FBXL7: variants seen among roughly 807,000 people sequenced by gnomAD.
FBXL7 encodes F-box/LRR-repeat protein 7.
A neutral mutation model predicts 38.3 loss-of-function variants in FBXL7; 12 were observed. That is an observed-to-expected ratio of 0.31 (90% CI 0.20 to 0.51). The LOEUF (loss-of-function observed/expected upper bound fraction) is 0.51, where lower values mean the gene tolerates loss of function less well. Ranked by LOEUF, FBXL7 falls within the 20% of genes least tolerant of loss-of-function variation. The pLI, the probability that FBXL7 is intolerant of heterozygous loss-of-function variation, is 0.98. For synonymous variants in FBXL7, 297 were observed against 300.9 expected (o/e 0.99, Z 0.13); for missense variants, 567 against 676.4 (o/e 0.84, Z 1.79).
At chr5:15,840,155 T>C (rs1738704100) in intron 2 of FBXL7, among the ~76,000 whole-genome samples, 1 of 152,186 alleles carries the variant, frequency 6.6e-6, no homozygotes, top group African/African-American at 2.4e-5. Flanking sequence ...CAGTCTTTCC[T>C]CGGAGAAAGT....
chr5:15,784,001 C>G (rs1737069893), intron 2 of FBXL7, among the ~76,000 whole-genome samples: 1 of 152,134 alleles, frequency 6.6e-6, no homozygotes, highest in African/African-American at 2.4e-5. Flanking sequence ...GCACTCAGGT[C>G]TAGCATGGTG....
chr5:15,613,330 G>C (rs1176221286), intron 1 of FBXL7, among the ~76,000 whole-genome samples: 2 of 152,132 alleles, frequency 1.3e-5, no homozygotes, highest in African/African-American at 4.8e-5. Flanking sequence ...TCAGAGGCCA[G>C]GTGGACATAC....
chr5:15,714,718 G>A lies in FBXL7; in HGVS notation c.127+98646G>A, dbSNP rs113118166. Among the ~76,000 whole-genome samples, 264 of 151,996 alleles carry A rather than the reference G, an allele frequency of 1.7e-3. 1 individual carries two copies. Among genetic ancestry groups the A allele is most frequent in the African/African-American group, 6.2e-3 (258 of 41,474 alleles). On this transcript the variant is annotated intron_variant, in intron 2 of 3. Transcript: ENST00000504595. Reference sequence around the variant, plus strand: ...CAAAAAATTAGCTGGGAATGGTGGCGGGCGCCTGTAGTCCCAGCTACTCGG... The same window carrying A: ...CAAAAAATTAGCTGGGAATGGTGGCAGGCGCCTGTAGTCCCAGCTACTCGG...
chr5:15,846,311 A>C (rs938076493), intron 2 of FBXL7, among the ~76,000 whole-genome samples: 4 of 152,238 alleles, frequency 2.6e-5, no homozygotes, highest in Non-Finnish European at 1.5e-5. Context: ...TGGAGTTTAC[A>C]TTGTTTTTAT....
intron 1 of FBXL7, among the ~76,000 whole-genome samples, chr5:15,505,781 C>T (rs888220409): frequency 1.3e-5 from 2 of 152,122 alleles, no homozygotes; most frequent in African/African-American, 2.4e-5. Context: ...ATCCAGGTAG[C>T]ATGCTGGCTG....
intron 2 of FBXL7, among the ~76,000 whole-genome samples, chr5:15,877,450 A>T (rs1477313077): frequency 6.6e-6 from 1 of 152,204 alleles, no homozygotes; most frequent in Non-Finnish European, 1.5e-5. Context: ...GATTCATTTA[A>T]TCGTATTTCA....
intron 1 of FBXL7, among the ~76,000 whole-genome samples, chr5:15,604,999 C>T (rs1739957065): frequency 6.6e-6 from 1 of 152,164 alleles, no homozygotes; most frequent in Non-Finnish European, 1.5e-5. Flanking sequence ...TCCTGCTTTG[C>T]TGTTCTGAAT....
intron 1 of FBXL7, among the ~76,000 whole-genome samples, chr5:15,526,963 C>T (rs1294892828): frequency 6.6e-6 from 1 of 152,118 alleles, no homozygotes; most frequent in Non-Finnish European, 1.5e-5. Context: ...GGGTTTATTT[C>T]AAAATGAATC....
chr5:15,629,353 C>G (rs1740926357), intron 2 of FBXL7, among the ~76,000 whole-genome samples: 2 of 152,074 alleles, frequency 1.3e-5, no homozygotes, highest in African/African-American at 4.8e-5. Flanking sequence ...TCACTTTTAT[C>G]AAAGTTAGAG....
At chr5:15,652,983 G>A (rs548179002) in intron 2 of FBXL7, among the ~76,000 whole-genome samples, 18 of 152,222 alleles carry the variant, frequency 1.2e-4, no homozygotes, top group African/African-American at 4.1e-4. Context: ...AGTATCTCAT[G>A]TGCCCTATAA....
At chr5:15,627,630 A>AACTGACAAAG (rs1740862793) in intron 2 of FBXL7, among the ~76,000 whole-genome samples, 3 of 152,196 alleles carry the variant, frequency 2.0e-5, no homozygotes, top group Admixed American at 1.3e-4. Context: ...CAAATAGGCC[A>AACTGACAAAG]TTCTGCATCC....
chr5:15,870,027 T>G lies in FBXL7; in HGVS notation c.128-57863T>G, dbSNP rs577165777. Reference sequence around the variant, plus strand: ...CAGGAGGCTGAGGTGGAAGGATCACTTAAACCCAGGAGCTTAAGGATATAG... The same window carrying G: ...CAGGAGGCTGAGGTGGAAGGATCACGTAAACCCAGGAGCTTAAGGATATAG... On this transcript the variant is annotated intron_variant, in intron 2 of 3. Coordinates refer to ENST00000504595, the MANE Select transcript of FBXL7 (RefSeq NM_012304.5). Among the ~76,000 whole-genome samples, 52 of 152,222 alleles carry G rather than the reference T, an allele frequency of 3.4e-4. No individual in the cohort carries two copies. In the Middle Eastern group the frequency reaches 0.01, roughly 30 times the overall value.
intron 2 of FBXL7, among the ~76,000 whole-genome samples, chr5:15,891,483 C>T (rs556652936): frequency 6.6e-6 from 1 of 152,236 alleles, no homozygotes; most frequent in African/African-American, 2.4e-5. Context: ...TTTATGTAAA[C>T]TAGACTCTGT....
intron 2 of FBXL7, among the ~76,000 whole-genome samples, chr5:15,835,158 T>C (rs1738560870): frequency 6.6e-6 from 1 of 152,198 alleles, no homozygotes; most frequent in Non-Finnish European, 1.5e-5. Flanking sequence ...TTAGTAAATA[T>C]TCTGATGAAT....
chr5:15,581,238 A>G (rs1739129467), intron 1 of FBXL7, among the ~76,000 whole-genome samples: 1 of 152,174 alleles, frequency 6.6e-6, no homozygotes, highest in Non-Finnish European at 1.5e-5. Context: ...TTTATTGGCT[A>G]TTCTTTATTA....
chr5:15,859,529 C>G (rs1739382302), intron 2 of FBXL7, among the ~76,000 whole-genome samples: 1 of 152,160 alleles, frequency 6.6e-6, no homozygotes, highest in African/African-American at 2.4e-5. Context: ...TTCCACGTGG[C>G]TCGGGAAGTC....
intron 1 of FBXL7, among the ~76,000 whole-genome samples, chr5:15,596,188 C>T (rs1212735558): frequency 6.6e-6 from 1 of 152,154 alleles, no homozygotes; most frequent in Non-Finnish European, 1.5e-5. Context: ...AATGAATGGT[C>T]ATGCCAAAAC....
At chr5:15,853,496 G>A (rs1360189541) in intron 2 of FBXL7, among the ~76,000 whole-genome samples, 5 of 151,978 alleles carry the variant, frequency 3.3e-5, no homozygotes, top group African/African-American at 9.7e-5. Context: ...AGAGGTGAGC[G>A]GGGAACATCT....
At chr5:15,541,470 T>TATAA (rs1436508988) in intron 1 of FBXL7, among the ~76,000 whole-genome samples, 1 of 126,738 alleles carries the variant, frequency 7.9e-6, no homozygotes, top group African/African-American at 2.9e-5. Flanking sequence ...TATATATATA[T>TATAA]ATATATATAT....
Sources: gnomAD v4.1 joint callset for allele counts (sites outside exome capture counted in the v4.1 genomes callset) on GRCh38, gnomAD v4.1.1 for gene constraint, MANE v1.5 for transcripts, NCBI Gene and HGNC (gene_info 2026-07-23, HGNC 2026-07-21) for gene names.